The following R3HDM1 variants were observed in gnomAD, a reference collection of about 807,000 sequenced individuals.
R3HDM1 encodes the protein R3H domain containing 1, also known as R3H domain-containing protein 1.
In R3HDM1, 46 loss-of-function variants were observed where a neutral mutation model predicts 141.1. That is an observed-to-expected ratio of 0.33 (90% CI 0.26 to 0.42). The LOEUF (loss-of-function observed/expected upper bound fraction) is 0.42, where lower values mean the gene tolerates loss of function less well. R3HDM1 is among the 10% of genes least tolerant of loss of function. The probability of loss-of-function intolerance (pLI) is 1.00; values close to 1 mark genes in which losing one functional copy is unlikely to be tolerated. For missense variants in R3HDM1, 1,184 were observed against 1,368.3 expected (o/e 0.87, Z 2.12); for synonymous variants, 435 against 472.9 (o/e 0.92, Z 1.04).
intron 3 of R3HDM1, among the ~76,000 whole-genome samples, chr2:135,613,045 A>C (rs1397361136): frequency 2.0e-5 from 3 of 152,206 alleles, no homozygotes; most frequent in Admixed American, 1.3e-4. Flanking sequence ...GTAGTGTATT[A>C]GTTTTCTATT....
chr2:135,675,143 A>G (rs941904423), intron 19 of R3HDM1, among the ~76,000 whole-genome samples, 189 bp from the exon 20 acceptor site: 1 of 152,192 alleles, frequency 6.6e-6, no homozygotes, highest in African/African-American at 2.4e-5. Flanking sequence ...TTTTATTTCA[A>G]TATATTTTAG....
intron 1 of R3HDM1, among the ~76,000 whole-genome samples, chr2:135,545,430 A>G (rs895728732): frequency 6.6e-6 from 1 of 152,216 alleles, no homozygotes; most frequent in African/African-American, 2.4e-5. Flanking sequence ...TACACAAGGT[A>G]GTCAGAGCAA....
intron 19 of R3HDM1, among the ~76,000 whole-genome samples, chr2:135,672,415 T>C (rs1217705594): frequency 1.3e-5 from 2 of 152,236 alleles, no homozygotes; most frequent in Admixed American, 1.3e-4. Context: ...TCTTACTTTT[T>C]CCAAACCTTT....
chr2:135,582,994 C>A (rs910892874), intron 1 of R3HDM1, among the ~76,000 whole-genome samples: 5 of 152,176 alleles, frequency 3.3e-5, no homozygotes, highest in Non-Finnish European at 7.4e-5. Context: ...TCTGTCTTCA[C>A]CAGTTCTTAA....
intron 21 of R3HDM1, among the ~76,000 whole-genome samples, chr2:135,700,192 A>T (rs2105407425): frequency 6.6e-6 from 1 of 152,198 alleles, no homozygotes; most frequent in Non-Finnish European, 1.5e-5. Flanking sequence ...AACATGGAGT[A>T]ACCTGGTAAC....
intron 1 of R3HDM1, chr2:135,586,292 G>A (rs948474100): frequency 1.3e-5 from 2 of 152,510 alleles, no homozygotes; most frequent in Non-Finnish European, 2.9e-5. Context: ...GAGTGTTACT[G>A]ACATCACAAC....
At chr2:135,606,266 G>A (rs900598193) in intron 3 of R3HDM1, 2 of 152,126 alleles carry the variant, frequency 1.3e-5, no homozygotes, top group Admixed American at 1.3e-4. Context: ...TGGCAGCTCA[G>A]GGGTCCCAGA....
chr2:135,689,900 T>G (rs1457318881), intron 21 of R3HDM1, among the ~76,000 whole-genome samples: 1 of 152,174 alleles, frequency 6.6e-6, no homozygotes, highest in Non-Finnish European at 1.5e-5. Flanking sequence ...TTACCGGTTC[T>G]TCTCCTATTT....
intron 1 of R3HDM1, chr2:135,568,743 C>T (rs1703381195): frequency 6.6e-6 from 1 of 152,134 alleles, no homozygotes; most frequent in Non-Finnish European, 1.5e-5. Flanking sequence ...ATTTAAAAAA[C>T]ACTTCTATTC....
At chr2:135,557,983 A>G (rs187703642) in intron 1 of R3HDM1, among the ~76,000 whole-genome samples, 1 of 152,376 alleles carries the variant, frequency 6.6e-6, no homozygotes, top group Non-Finnish European at 1.5e-5. Flanking sequence ...CATGGAGCCC[A>G]CAGTGCTAGA....
chr2:135,724,513 G>C lies in R3HDM1; in HGVS notation c.*221G>C. ...ACATCAGAATGATACAGAGTTAGCA[G>C]GTTTTTCTAAGGAAATGCCATTCAA... On this transcript the variant is annotated 3_prime_UTR_variant, in exon 27 of 27. Transcript: ENST00000683871. 2.3e-6 allele frequency: 1 copy of C among 430,274 alleles called. No homozygotes were observed. Among genetic ancestry groups the C allele is most frequent in the Non-Finnish European group, 4.1e-6 (1 of 245,416 alleles). The allele number at this position is 430,274 out of a possible 1,614,324, so 26.7% of individuals were successfully genotyped here. A position where few individuals can be genotyped will look rare whatever the true frequency, so the allele number is the denominator to read the frequency against.
At chr2:135,648,444 A>T (rs1391367975) in intron 16 of R3HDM1, among the ~76,000 whole-genome samples, 1 of 152,194 alleles carries the variant, frequency 6.6e-6, no homozygotes, top group East Asian at 1.9e-4. Flanking sequence ...TAATTCCATT[A>T]GTTTATCTAA....
chr2:135,581,405 T>A (rs1315817587), intron 1 of R3HDM1: 1 of 982,800 alleles, frequency 1.0e-6, no homozygotes, highest in Admixed American at 6.2e-5. Flanking sequence ...TCTATAATTA[T>A]CTGTGTAGTC....
Position 135,645,540 on chromosome 2 carries a change from A to G in R3HDM1, c.1623+13A>G, listed in dbSNP as rs777728425. 15 of 1,612,056 alleles carry G rather than the reference A, an allele frequency of 9.3e-6. No individual in the cohort carries two copies. Among genetic ancestry groups the G allele is most frequent in the Non-Finnish European group, 1.2e-5 (14 of 1,179,050 alleles). Reference sequence around the variant, plus strand: ...CATTTTCTCACAGGTGCACATATCCATGATTACATAATGCTAAGTTGACTT... The same window carrying G: ...CATTTTCTCACAGGTGCACATATCCGTGATTACATAATGCTAAGTTGACTT... On this transcript the variant is annotated intron_variant, in intron 16 of 26. Coordinates refer to ENST00000683871, the MANE Select transcript of R3HDM1 (RefSeq NM_001378107.1).
At chr2:135,720,033 A>C (rs2076554390) in intron 24 of R3HDM1, among the ~76,000 whole-genome samples, 1 of 152,088 alleles carries the variant, frequency 6.6e-6, no homozygotes, top group South Asian at 2.1e-4. Flanking sequence ...TTTAGGAGAG[A>C]CGGGGTTTCA....
chr2:135,565,087 G>C (rs765630718), intron 1 of R3HDM1, among the ~76,000 whole-genome samples: 3 of 151,830 alleles, frequency 2.0e-5, no homozygotes, highest in Non-Finnish European at 4.4e-5. Flanking sequence ...CAGTTTTTCA[G>C]TCTTTTAAAA....
intron 3 of R3HDM1, among the ~76,000 whole-genome samples, chr2:135,615,739 TC>T (rs1402695238): frequency 5.9e-5 from 9 of 152,234 alleles, no homozygotes; most frequent in Non-Finnish European, 1.2e-4. Context: ...TTGGAACTTT[TC>T]TGAGTTTATC....
In R3HDM1 at chr2:135,724,462, A is replaced by T; in HGVS notation, c.*170A>T. On this transcript the variant is annotated 3_prime_UTR_variant, in exon 27 of 27. Transcript: ENST00000683871. ...ATCCAGCAAAGGGGGAAAAATATGC[A>T]TTTCACCCCACATGACTAGGAATCC... 1 of 550,184 alleles carries T rather than the reference A, an allele frequency of 1.8e-6. No individual in the cohort carries two copies. Among genetic ancestry groups the T allele is most frequent in the Non-Finnish European group, 3.2e-6 (1 of 315,158 alleles). The allele number at this position is 550,184 out of a possible 1,614,324, so 34.1% of individuals were successfully genotyped here.
chr2:135,536,726 C>G (rs1696209797), intron 1 of R3HDM1: 1 of 981,968 alleles, frequency 1.0e-6, no homozygotes, highest in Admixed American at 6.1e-5. Context: ...CTTTGCTAAC[C>G]TGTCCTATAA....
Sources: gnomAD v4.1 joint callset for allele counts (sites outside exome capture counted in the v4.1 genomes callset) on GRCh38, gnomAD v4.1.1 for gene constraint, MANE v1.5 for transcripts, NCBI Gene and HGNC (gene_info 2026-07-23, HGNC 2026-07-21) for gene names.